PREX1: variants seen among roughly 807,000 people sequenced by gnomAD.
PREX1 encodes the protein phosphatidylinositol 3,4,5-trisphosphate-dependent Rac exchanger 1 protein.
Under a neutral mutation model 198.3 loss-of-function variants are expected in PREX1, and 41 were observed. The observed-to-expected ratio is 0.21, with a 90% confidence interval of 0.16 to 0.27. PREX1 has a LOEUF of 0.27. Ranked by LOEUF, PREX1 falls within the 10% of genes least tolerant of loss-of-function variation. The probability of loss-of-function intolerance (pLI) is 1.00; values close to 1 mark genes in which losing one functional copy is unlikely to be tolerated. For synonymous variants in PREX1, 843 were observed against 887.2 expected (o/e 0.95, Z 0.89); for missense variants, 1,620 against 2,200.7 (o/e 0.74, Z 5.28).
Position 48,634,591 on chromosome 20 carries a change from G to C in PREX1, c.4267+85C>G, listed in dbSNP as rs553067478. ...CCTTGGGCAGCTGGCCCAGAGGCAG[G>C]GGAAGGACAGGGTGACCCCAGAGAG... On this transcript the variant is annotated intron_variant, in intron 33 of 39. Transcript: ENST00000371941. The C allele has an allele frequency of 5.2e-4, 716 of 1,389,740 alleles. 4 individuals are homozygous for C. In the African/African-American group the frequency reaches 8.0e-3, roughly 16 times the overall value. The allele number at this position is 1,389,740 out of a possible 1,614,324, so 86.1% of individuals were successfully genotyped here.
intron 1 of PREX1, among the ~76,000 whole-genome samples, chr20:48,752,298 G>A (rs1249115417): frequency 6.6e-6 from 1 of 152,226 alleles, no homozygotes; most frequent in Non-Finnish European, 1.5e-5. Context: ...ATAAGCAAGA[G>A]AGAATATTGT....
intron 10 of PREX1, among the ~76,000 whole-genome samples, chr20:48,681,543 T>TC (rs1385713592): frequency 6.6e-6 from 1 of 152,016 alleles, no homozygotes; most frequent in African/African-American, 2.4e-5. Context: ...GTGACCAGAT[T>TC]CCAGGTCTGC....
chr20:48,756,917 C>T (rs112969025), intron 1 of PREX1, among the ~76,000 whole-genome samples: 4,908 of 152,228 alleles, frequency 0.032, 129 homozygotes, highest in African/African-American at 0.071. Flanking sequence ...TCTTACATGG[C>T]GGCAGGCAAG....
At chr20:48,745,970 T>C (rs1404048443) in intron 2 of PREX1, among the ~76,000 whole-genome samples, 2 of 152,234 alleles carry the variant, frequency 1.3e-5, no homozygotes, top group African/African-American at 4.8e-5. Flanking sequence ...TTATTATTAC[T>C]TTGCCTCTCT....
chr20:48,800,823 A>C (rs189005569), intron 1 of PREX1, among the ~76,000 whole-genome samples: 9 of 152,014 alleles, frequency 5.9e-5, no homozygotes, highest in African/African-American at 1.9e-4. Flanking sequence ...GCAAATATCT[A>C]ATTTTTTTTT....
rs1298653170 is a variant in PREX1, at chr20:48,747,779, T to C, written c.291+30A>G. The C allele has an allele frequency of 5.0e-6, 8 of 1,592,660 alleles. No homozygotes were observed. The East Asian group carries it at 8.9e-5, about 18-fold the overall frequency. On this transcript the variant is annotated intron_variant, in intron 2 of 39. Coordinates refer to ENST00000371941, the MANE Select transcript of PREX1 (RefSeq NM_020820.4). ...AAGGCACAAAGCAACACAGATGCTCTAGAACAGGGGCCAGCCCCAGCGTCC... is the reference window on the plus strand; with the variant it reads ...AAGGCACAAAGCAACACAGATGCTCCAGAACAGGGGCCAGCCCCAGCGTCC...
intron 1 of PREX1, among the ~76,000 whole-genome samples, chr20:48,815,660 T>C (rs2123058507): frequency 6.6e-6 from 1 of 152,204 alleles, no homozygotes; most frequent in East Asian, 1.9e-4. Flanking sequence ...CAGGATGGGG[T>C]AGATGCTCTG....
chr20:48,726,403 C>G lies in PREX1; in HGVS notation c.520-12G>C. ...AGAAGCATGCAGCTCTGCAAAGGGA[C>G]AGGAGACCTTCATGAAACCCACCAA... On this transcript the variant is annotated splice_polypyrimidine_tract_variant and intron_variant, in intron 4 of 39. Transcript: ENST00000371941. The G allele has an allele frequency of 6.2e-7, 1 of 1,605,046 alleles. No homozygotes were observed. Among genetic ancestry groups the G allele is most frequent in the Non-Finnish European group, 8.5e-7 (1 of 1,173,716 alleles).
At chr20:48,887,484 G>A in the PREX1 span, among the ~76,000 whole-genome samples, 1 of 152,164 alleles carries the variant, frequency 6.6e-6, no homozygotes, top group African/African-American at 2.4e-5. Context: ...GCCAGGCATA[G>A]TGGCTCACAC....
rs145164981 is a variant in PREX1 at position 48,645,863 on chromosome 20, C to T, written c.3500G>A (p.Arg1167His). The T allele has an allele frequency of 1.2e-5, 19 of 1,614,010 alleles. No individual in the cohort carries two copies. The highest frequency in any genetic ancestry group is 5.0e-5 in the Admixed American group (3 of 60,004). ...EDSGHDTMSY[R>H]DSYSECNSNR... ...CGGTGACACCCACCTGTAGGAGTCG[C>T]GATAACTCATGGTGTCGTGGCCTGA... The change falls in exon 26 of 40, where the codon CGC (arginine) becomes CAC (histidine). Residue 1167 changes from arginine (R) to histidine (H), a missense_variant. By Grantham distance (29) the Arg-to-His change is conservative. Transcript: ENST00000371941.
At chr20:48,674,537 T>G (rs1188708331) in intron 14 of PREX1, among the ~76,000 whole-genome samples, 1 of 152,238 alleles carries the variant, frequency 6.6e-6, no homozygotes, top group Non-Finnish European at 1.5e-5. Context: ...AAACCATGAA[T>G]AGATATTCTT....
intron 5 of PREX1, among the ~76,000 whole-genome samples, chr20:48,723,711 C>T (rs553877246): frequency 1.3e-5 from 2 of 152,304 alleles, no homozygotes; most frequent in South Asian, 4.1e-4. Context: ...GGTCGCCGGG[C>T]GGTTCTGCCC....
intron 15 of PREX1, 92 bp from the exon 16 acceptor site, chr20:48,660,153 C>T (rs2089579466): frequency 6.6e-7 from 1 of 1,506,104 alleles, no homozygotes; most frequent in Non-Finnish European, 9.1e-7. Flanking sequence ...TGGAACTAGG[C>T]CATGGACACG....
chr20:48,757,440 A>C (rs1601117371), intron 1 of PREX1, among the ~76,000 whole-genome samples: 2 of 152,212 alleles, frequency 1.3e-5, no homozygotes, highest in Admixed American at 6.5e-5. Context: ...CCTGCATAAC[A>C]ATCCCACAAG....
At chr20:48,661,444 A>AAAAAAAAAAAAAAAAT (rs1555832820) in intron 15 of PREX1, among the ~76,000 whole-genome samples, 1 of 49,596 alleles carries the variant, frequency 2.0e-5, no homozygotes, top group Non-Finnish European at 3.1e-5. Context: ...AAAAAAAAAA[A>AAAAAAAAAAAAAAAAT]ATATATATAT....
At chr20:48,695,511 A>G (rs1419968670) in intron 7 of PREX1, among the ~76,000 whole-genome samples, 1 of 152,268 alleles carries the variant, frequency 6.6e-6, no homozygotes. Context: ...GTTTTCCAAA[A>G]TAGTTGTACT....
chr20:48,861,604 A>G, the PREX1 span, among the ~76,000 whole-genome samples: 26,341 of 152,134 alleles, frequency 0.17, 2,354 homozygotes, highest in Non-Finnish European at 0.19. Flanking sequence ...CAGTGGAGGG[A>G]CCTCACACTT....
chr20:48,776,789 T>C (rs1000161558), intron 1 of PREX1, among the ~76,000 whole-genome samples: 1 of 152,182 alleles, frequency 6.6e-6, no homozygotes, highest in Non-Finnish European at 1.5e-5. Flanking sequence ...ACAGCAGGCA[T>C]TCAGGAAGCA....
At chr20:48,750,087 C>T (rs758611543) in intron 1 of PREX1, among the ~76,000 whole-genome samples, 7 of 152,272 alleles carry the variant, frequency 4.6e-5, no homozygotes, top group African/African-American at 9.6e-5. Flanking sequence ...TTAATGGCAC[C>T]TCTGTCTTTC....
Sources: allele counts gnomAD v4.1 joint callset (sites outside exome capture counted in the v4.1 genomes callset), GRCh38; gene constraint gnomAD v4.1.1; transcripts MANE v1.5; gene names NCBI Gene and HGNC (gene_info 2026-07-23, HGNC 2026-07-21).